Variants in TDRD15 observed in about 807,000 individuals in gnomAD.
TDRD15 encodes the protein tudor domain-containing protein 15.
For missense variants in TDRD15, 1,416 were observed against 904.7 expected, an observed-to-expected ratio of 1.57 and a Z score of -7.25; for synonymous variants, 503 against 314.5, an observed-to-expected ratio of 1.60 and a Z score of -6.34.
At chr2:21,125,568 G>C (rs1323315823) in intron 1 of TDRD15, among the ~76,000 whole-genome samples, 1 of 151,864 alleles carries the variant, frequency 6.6e-6, no homozygotes, top group African/African-American at 2.4e-5. Context: ...GTGTGGAGGT[G>C]TTTTTCCGAA....
At chr2:21,128,198 A>C (rs544489092) in intron 2 of TDRD15, among the ~76,000 whole-genome samples, 1 of 152,220 alleles carries the variant, frequency 6.6e-6, no homozygotes, top group South Asian at 2.1e-4. Flanking sequence ...CAGTACATGG[A>C]AGAGGAATTT....
At chr2:21,125,315 G>T (rs999607627) in intron 1 of TDRD15, among the ~76,000 whole-genome samples, 1 of 151,722 alleles carries the variant, frequency 6.6e-6, no homozygotes, top group African/African-American at 2.4e-5. Flanking sequence ...GGGTATGTGT[G>T]AGAAAGAGAT....
In TDRD15 at chr2:21,142,735, T is replaced by G; in HGVS notation, c.5268T>G (p.Phe1756Leu). 1 of 713,430 alleles carries G rather than the reference T, an allele frequency of 1.4e-6. No homozygotes were observed. The highest frequency in any genetic ancestry group is 2.0e-5 in the Admixed American group (1 of 49,632). 44.2% of individuals were successfully genotyped at this position (713,430 alleles called of 1,614,324 possible). The change falls in exon 4 of 4, where the codon TTT becomes TTG. Residue 1756 changes from phenylalanine (F) to leucine (L), a missense_variant. Transcript: ENST00000405799. ...TCAGTATTCAGTTAGAAGATTTCTT[T>G]GACATAATGAAATACCTTTTTATGT... ...SDFSIQLEDF[F>L]DIMKYLFMLL...
Position 21,141,886 on chromosome 2 carries a change from A to G in TDRD15, c.4419A>G (p.Ser1473=). 1 of 715,492 alleles carries G rather than the reference A, an allele frequency of 1.4e-6. No homozygotes were observed. Among genetic ancestry groups the G allele is most frequent in the Non-Finnish European group, 2.6e-6 (1 of 383,682 alleles). The allele number at this position is 715,492 out of a possible 1,614,324, so 44.3% of individuals were successfully genotyped here. The stretch of plus-strand genomic sequence containing the variant: ...AACTACTGAAATGGAAAGCATGTTC[A>G]AAACTGCAGAAGTCAGCATTGCAGA... ...INELLKWKAC[S]KLQKSALQMP... Residue 1473 remains serine, a synonymous_variant, in exon 4 of 4, where the codon TCA becomes TCG. Coordinates refer to ENST00000405799, the MANE Select transcript of TDRD15 (RefSeq NM_001306137.2).
chr2:21,130,986 C>T (rs1472719995), intron 2 of TDRD15, among the ~76,000 whole-genome samples: 2 of 152,138 alleles, frequency 1.3e-5, no homozygotes, highest in African/African-American at 4.8e-5. Context: ...TGCAGATCGA[C>T]TCTAGGAAAA....
rs550279662 is a variant in TDRD15, at chr2:21,143,684, A to G, written c.*412A>G. Among the ~76,000 whole-genome samples, 14 of 151,946 alleles carry G rather than the reference A, an allele frequency of 9.2e-5. No individual in the cohort carries two copies. In the East Asian group the frequency reaches 2.5e-3, roughly 27 times the overall value. Reference sequence around the variant, plus strand: ...AAAAAACACAGAACACTTAAAAGGTAAACAGACATTTTTATAAAGTAGATT... The same window carrying G: ...AAAAAACACAGAACACTTAAAAGGTGAACAGACATTTTTATAAAGTAGATT... On this transcript the variant is annotated 3_prime_UTR_variant, in exon 4 of 4. Transcript: ENST00000405799.
At chr2:21,124,955 G>A (rs1665554642) in intron 1 of TDRD15, among the ~76,000 whole-genome samples, 1 of 149,428 alleles carries the variant, frequency 6.7e-6, no homozygotes, top group Non-Finnish European at 1.5e-5. Context: ...TAATGCCAGG[G>A]TGTGTGAGCA....
At chr2:21,135,765 C>T (rs1344002380) in intron 3 of TDRD15, among the ~76,000 whole-genome samples, 1 of 151,996 alleles carries the variant, frequency 6.6e-6, no homozygotes, top group Non-Finnish European at 1.5e-5. Flanking sequence ...CTGGATGTTA[C>T]TGGCATTAAG....
chr2:21,132,918 G>A (rs1014653587), intron 2 of TDRD15, among the ~76,000 whole-genome samples: 1 of 152,080 alleles, frequency 6.6e-6, no homozygotes, highest in Admixed American at 6.6e-5. Flanking sequence ...GTGCTCTGCT[G>A]TGCATTATAG....
chr2:21,128,522 C>A (rs1341734136), intron 2 of TDRD15, among the ~76,000 whole-genome samples: 1 of 151,950 alleles, frequency 6.6e-6, no homozygotes, highest in Non-Finnish European at 1.5e-5. Context: ...CAGGGTTTCA[C>A]CGTGTTAGCC....
At chr2:21,130,810 C>T (rs1218972284) in intron 2 of TDRD15, among the ~76,000 whole-genome samples, 1 of 152,090 alleles carries the variant, frequency 6.6e-6, no homozygotes, top group Non-Finnish European at 1.5e-5. Context: ...TTATTTACTA[C>T]CAAACACTTG....
chr2:21,131,456 A>G (rs1394915883), intron 2 of TDRD15, among the ~76,000 whole-genome samples: 2 of 152,228 alleles, frequency 1.3e-5, no homozygotes, highest in Admixed American at 6.5e-5. Context: ...CGAAGAAACT[A>G]CTACTCATTG....
intron 2 of TDRD15, among the ~76,000 whole-genome samples, chr2:21,133,079 G>A (rs1456284226): frequency 6.6e-6 from 1 of 151,990 alleles, no homozygotes; most frequent in Non-Finnish European, 1.5e-5. Context: ...AGTAAAGAAT[G>A]TTAAAAAAAA....
chr2:21,126,688 C>T (rs1271397610), intron 1 of TDRD15, among the ~76,000 whole-genome samples: 2 of 152,162 alleles, frequency 1.3e-5, no homozygotes, highest in Admixed American at 6.5e-5. Flanking sequence ...TGCGTTACGA[C>T]TATTGTATTG....
chr2:21,127,384 C>T (rs929566881), intron 1 of TDRD15, among the ~76,000 whole-genome samples: 8 of 152,072 alleles, frequency 5.3e-5, no homozygotes, highest in African/African-American at 1.9e-4. Flanking sequence ...GATGTCTTTG[C>T]CACGTCAAGG....
chr2:21,142,737 A>G lies in TDRD15; in HGVS notation c.5270A>G (p.Asp1757Gly), dbSNP rs1572303433. The change falls in exon 4 of 4, where the codon GAC becomes GGC. Residue 1757 changes from aspartate to glycine, a missense_variant. By Grantham distance (94) the Asp-to-Gly change is moderately conservative. Transcript: ENST00000405799. The stretch of plus-strand genomic sequence containing the variant: ...AGTATTCAGTTAGAAGATTTCTTTG[A>G]CATAATGAAATACCTTTTTATGTTG... ...DFSIQLEDFF[D>G]IMKYLFMLLS... 9.8e-6 allele frequency: 7 copies of G among 713,528 alleles called. No homozygotes were observed. The East Asian group carries it at 1.6e-4, about 16-fold the overall frequency. The allele number at this position is 713,528 out of a possible 1,614,324, so 44.2% of individuals were successfully genotyped here.
At position 21,143,001 on chromosome 2, in the gene TDRD15, G is replaced by A. The variant is rs779410617; in HGVS notation, c.5534G>A (p.Ser1845Asn). ...PEELLNLPRLSYPCILYGILP... is the reference protein window; with the variant it reads ...PEELLNLPRLNYPCILYGILP... ...GAACTTTTGAATTTGCCAAGGCTGA[G>A]TTATCCATGTATTTTATATGGTATC... Residue 1845 changes from serine to asparagine, a missense_variant, in exon 4 of 4, where the codon AGT becomes AAT. Coordinates refer to ENST00000405799, the MANE Select transcript of TDRD15 (RefSeq NM_001306137.2). 5 of 702,450 alleles carry A rather than the reference G, an allele frequency of 7.1e-6. No individual in the cohort carries two copies. 43.5% of individuals were successfully genotyped at this position (702,450 alleles called of 1,614,324 possible).
At chr2:21,127,070 A>G (rs191382675) in intron 1 of TDRD15, among the ~76,000 whole-genome samples, 22 of 152,322 alleles carry the variant, frequency 1.4e-4, no homozygotes, top group Admixed American at 2.6e-4. Context: ...GATAACAATG[A>G]TATTAAGCAT....
intron 2 of TDRD15, among the ~76,000 whole-genome samples, chr2:21,132,758 C>A (rs573336306): frequency 2.0e-5 from 3 of 152,060 alleles, no homozygotes; most frequent in Admixed American, 6.5e-5. Context: ...GAAAAATATT[C>A]TTGTATTTTC....
Sources: allele counts gnomAD v4.1 joint callset (sites outside exome capture counted in the v4.1 genomes callset), GRCh38; gene constraint gnomAD v4.1.1; transcripts MANE v1.5; gene names NCBI Gene and HGNC (gene_info 2026-07-23, HGNC 2026-07-21).